PIAS1: variants seen among roughly 807,000 people sequenced by gnomAD.
PIAS1 encodes the protein E3 SUMO-protein ligase PIAS1.
A neutral mutation model predicts 71.3 loss-of-function variants in PIAS1; 6 were observed. That is an observed-to-expected ratio of 0.08 (90% confidence interval 0.05 to 0.17). PIAS1 has a LOEUF of 0.17. Ranked by LOEUF, PIAS1 falls within the 10% of genes least tolerant of loss-of-function variation. The probability of loss-of-function intolerance (pLI) is 1.00; values close to 1 mark genes in which losing one functional copy is unlikely to be tolerated. For missense variants in PIAS1, 555 were observed against 793.6 expected (o/e 0.70, Z 3.61); for synonymous variants, 303 against 292.9 (o/e 1.03, Z -0.35).
intron 6 of PIAS1, among the ~76,000 whole-genome samples, chr15:68,151,784 C>T (rs982616736): frequency 5.3e-5 from 8 of 150,834 alleles, no homozygotes; most frequent in African/African-American, 1.7e-4. Flanking sequence ...CACTTGAACC[C>T]GGGAGGTGGA....
chr15:68,142,056 AAGTT>A, intron 3 of PIAS1, 26 bp downstream of exon 3: 2 of 1,482,042 alleles, frequency 1.3e-6, no homozygotes, highest in Non-Finnish European at 1.9e-6. Flanking sequence ...GTGTAACTTG[AAGTT>A]TGACCTTTGA....
At chr15:68,104,611 G>C (rs1298709107) in intron 2 of PIAS1, among the ~76,000 whole-genome samples, 1 of 152,162 alleles carries the variant, frequency 6.6e-6, no homozygotes, top group Non-Finnish European at 1.5e-5. Flanking sequence ...CATGGAGGTA[G>C]TGATGATGGT....
intron 7 of PIAS1, among the ~76,000 whole-genome samples, chr15:68,162,671 A>G (rs921858948): frequency 6.6e-6 from 1 of 152,180 alleles, no homozygotes; most frequent in African/African-American, 2.4e-5. Flanking sequence ...TCTAAGGCCA[A>G]AGGCCTAAGA....
chr15:68,121,602 G>A (rs1297093924), intron 2 of PIAS1, among the ~76,000 whole-genome samples: 2 of 151,754 alleles, frequency 1.3e-5, no homozygotes, highest in African/African-American at 4.8e-5. Context: ...TTAAATATTG[G>A]TGGTCCTAGG....
rs139862795 is a variant in PIAS1, at chr15:68,186,301, T to G, written c.1663-1241T>G. ...CTCCCTGTGTAGGCCTAGGCTAATG[T>G]GTTGTGTGTGTCATTTTTAACAAAA... On this transcript the variant is annotated intron_variant, in intron 13 of 13. Coordinates refer to ENST00000249636, the MANE Select transcript of PIAS1 (RefSeq NM_016166.3). This position sits in a 1 kb window ranked among gnomAD's most constrained non-coding sequence, Gnocchi z 4.4. Among the ~76,000 whole-genome samples, 114 of 152,238 alleles carry G rather than the reference T, an allele frequency of 7.5e-4. 1 individual carries two copies. Among genetic ancestry groups the G allele is most frequent in the African/African-American group, 2.6e-3 (109 of 41,532 alleles).
At chr15:68,138,509 T>C (rs1201860537) in intron 2 of PIAS1, among the ~76,000 whole-genome samples, 1 of 152,172 alleles carries the variant, frequency 6.6e-6, no homozygotes, top group Non-Finnish European at 1.5e-5. Context: ...AGTTTCACTC[T>C]TGTTGCCCAG....
chr15:68,178,873 A>G lies in PIAS1; in HGVS notation c.1481+2219A>G, dbSNP rs1378404712. Among the ~76,000 whole-genome samples the G allele has an allele frequency of 1.3e-5, 2 of 152,174 alleles. No individual in the cohort carries two copies. Among genetic ancestry groups the G allele is most frequent in the African/African-American group, 4.8e-5 (2 of 41,426 alleles). ...TGGATATTTACTTTGCTCTTTCTCC[A>G]AAAATATTTGGAGAAAATAAAATAA... is the stretch of plus-strand genomic sequence containing the variant. On this transcript the variant is annotated intron_variant, in intron 11 of 13. Coordinates refer to ENST00000249636, the MANE Select transcript of PIAS1 (RefSeq NM_016166.3). The surrounding 1 kb of genome is among the most constrained non-coding windows in gnomAD (Gnocchi z 4.2).
chr15:68,113,451 A>T (rs187354573), intron 2 of PIAS1, among the ~76,000 whole-genome samples: 1 of 152,310 alleles, frequency 6.6e-6, no homozygotes, highest in African/African-American at 2.4e-5. Context: ...CTTGGTTCAT[A>T]GCTGGCTGGC....
At chr15:68,101,812 G>A (rs1595725694) in intron 2 of PIAS1, among the ~76,000 whole-genome samples, 1 of 152,122 alleles carries the variant, frequency 6.6e-6, no homozygotes, top group East Asian at 1.9e-4. Flanking sequence ...GCAGTGGCAT[G>A]TGATCATAGC....
intron 2 of PIAS1, among the ~76,000 whole-genome samples, chr15:68,088,176 G>GTGTGTGTGTATATATATATATATA (rs150997979): frequency 1.4e-5 from 1 of 73,008 alleles, no homozygotes; most frequent in African/African-American, 6.2e-5. Context: ...TTATGTGTGT[G>GTGTGTGTGTATATATATATATATA]TATATATATA....
chr15:68,150,451 T>C (rs1305519075), intron 6 of PIAS1, among the ~76,000 whole-genome samples: 3 of 152,206 alleles, frequency 2.0e-5, no homozygotes, highest in Non-Finnish European at 4.4e-5. Flanking sequence ...TGTTTTTAAA[T>C]TACTGTTTTA....
At chr15:68,089,476 C>T (rs1321187975) in intron 2 of PIAS1, among the ~76,000 whole-genome samples, 1 of 152,196 alleles carries the variant, frequency 6.6e-6, no homozygotes, top group Non-Finnish European at 1.5e-5. Context: ...TCTTTCTAGG[C>T]TGTCCTCCTT....
rs572935481 is a variant in PIAS1 at position 68,189,850 on chromosome 15, C to T, written c.*2015C>T. The stretch of plus-strand genomic sequence containing the variant: ...ATCTGGCATTATAGTGAGCAAATGT[C>T]GTATTAATTTAGGCTAATTTCTAAT... On this transcript the variant is annotated 3_prime_UTR_variant, in exon 14 of 14. Transcript: ENST00000249636. 49 of 152,050 alleles carry T rather than the reference C, an allele frequency of 3.2e-4. No individual in the cohort carries two copies. The highest frequency in any genetic ancestry group is 5.5e-4 in the African/African-American group (23 of 41,482). 9.4% of individuals were successfully genotyped at this position (152,050 alleles called of 1,614,324 possible).
chr15:68,170,020 A>G (rs1450842656), intron 8 of PIAS1, among the ~76,000 whole-genome samples: 1 of 152,142 alleles, frequency 6.6e-6, no homozygotes, highest in Non-Finnish European at 1.5e-5. Flanking sequence ...TGACCTGCAT[A>G]CCTTCCATGA....
At chr15:68,057,910 T>C in intron 1 of PIAS1, among the ~76,000 whole-genome samples, 1 of 152,258 alleles carries the variant, frequency 6.6e-6, no homozygotes. Flanking sequence ...TCCTGGGCGA[T>C]CCCATTGTCT....
At chr15:68,122,102 C>T (rs1385980163) in intron 2 of PIAS1, among the ~76,000 whole-genome samples, 2 of 152,122 alleles carry the variant, frequency 1.3e-5, no homozygotes, top group African/African-American at 4.8e-5. Flanking sequence ...GCACTCCTGC[C>T]TGGGTAACAG....
In PIAS1 at chr15:68,188,090, AAAG is replaced by A. The variant is rs1595802697; in HGVS notation, c.*258_*260del. The A allele has an allele frequency of 1.8e-5, 5 of 276,034 alleles. No individual in the cohort carries two copies. In the East Asian group the frequency reaches 3.0e-4, roughly 16 times the overall value. 17.1% of individuals were successfully genotyped at this position (276,034 alleles called of 1,614,324 possible). A position where few individuals can be genotyped will look rare whatever the true frequency, so the allele number is the denominator to read the frequency against. On this transcript the variant is annotated 3_prime_UTR_variant, in exon 14 of 14. Coordinates refer to ENST00000249636, the MANE Select transcript of PIAS1 (RefSeq NM_016166.3). ...AAAAAAAAAAAGGAAAGAAAAGAAA[AAAG>A]AAAAACAAGCACCCACAAACCACCT...
At chr15:68,067,268 A>C (rs1318271180) in intron 1 of PIAS1, among the ~76,000 whole-genome samples, 1 of 152,120 alleles carries the variant, frequency 6.6e-6, no homozygotes, top group Non-Finnish European at 1.5e-5. Flanking sequence ...CAGATTTTCT[A>C]ACAGCCCCCT....
chr15:68,098,005 A>G (rs1221631256), intron 2 of PIAS1, among the ~76,000 whole-genome samples: 2 of 152,056 alleles, frequency 1.3e-5, no homozygotes, highest in Non-Finnish European at 2.9e-5. Flanking sequence ...TTTTTTTCCC[A>G]AAACTTCCTT....
Sources: gnomAD v4.1 joint callset for allele counts (sites outside exome capture counted in the v4.1 genomes callset) on GRCh38, gnomAD v4.1.1 for gene constraint, Gnocchi (gnomAD v3.1) non-coding constraint, MANE v1.5 for transcripts, NCBI Gene and HGNC (gene_info 2026-07-23, HGNC 2026-07-21) for gene names.